SLC66A1: variants seen among roughly 807,000 people sequenced by gnomAD.
The protein encoded by SLC66A1 is solute carrier family 66 member 1.
In SLC66A1, 23 loss-of-function variants were observed where a neutral mutation model predicts 33.0. The observed-to-expected ratio is 0.70, with a 90% CI of 0.50 to 0.99. SLC66A1 has a LOEUF of 0.99. SLC66A1 is among the 50% of genes least tolerant of loss of function. The pLI is 0.00. For synonymous variants in SLC66A1, 164 were observed against 175.5 expected (o/e 0.93, Z 0.52); for missense variants, 335 against 383.6 (o/e 0.87, Z 1.06).
At chr1:19,324,483 C>T in intron 2 of SLC66A1, 150 bp from the exon 3 acceptor site, 2 of 925,500 alleles carry the variant, frequency 2.2e-6, no homozygotes, top group Non-Finnish European at 3.2e-6. Context: ...TCTGAGGATC[C>T]CGCCCGTGGG....
In SLC66A1 at chr1:19,327,679, G is replaced by A. The variant is rs1320895526; in HGVS notation, c.804+267G>A. On this transcript the variant is annotated intron_variant, in intron 7 of 7. Coordinates refer to ENST00000375153, the MANE Select transcript of SLC66A1 (RefSeq NM_001040125.2). ...CTTACAGCCCAGCGGGGCGCAGAGA[G>A]GACACAACGCTATCATCAAAGAATT... 1.5e-5 allele frequency: 10 copies of A among 660,432 alleles called. No homozygotes were observed. In the East Asian group the frequency reaches 2.8e-4, roughly 18 times the overall value. The allele number at this position is 660,432 out of a possible 1,614,324, so 40.9% of individuals were successfully genotyped here. A position where few individuals can be genotyped will look rare whatever the true frequency, so the allele number is the denominator to read the frequency against.
chr1:19,332,031 A>G (rs1481179923), downstream of SLC66A1, among the ~76,000 whole-genome samples: 1 of 152,158 alleles, frequency 6.6e-6, no homozygotes, highest in African/African-American at 2.4e-5. Context: ...CCCTACCTTC[A>G]GAGAGCACCT....
At chr1:19,314,403 A>G (rs910793785) in intron 1 of SLC66A1, among the ~76,000 whole-genome samples, 2 of 152,192 alleles carry the variant, frequency 1.3e-5, no homozygotes, top group Non-Finnish European at 2.9e-5. Flanking sequence ...CGCAGGGGCC[A>G]TAAACCAAGG....
intron 3 of SLC66A1, 80 bp from the exon 4 acceptor site, chr1:19,325,415 G>C (rs753611108): frequency 1.8e-4 from 178 of 980,710 alleles, no homozygotes; most frequent in Non-Finnish European, 2.7e-4. Flanking sequence ...CACCCAGCTG[G>C]GATATGACAG....
intron 2 of SLC66A1, among the ~76,000 whole-genome samples, chr1:19,320,412 CTTTTTTTTTTTTT>C (rs34520375): frequency 3.0e-5 from 3 of 98,630 alleles, no homozygotes; most frequent in South Asian, 6.8e-4. Context: ...GGTGGCCTGT[CTTTTTTTTTTTTT>C]TTTTTTTTTT....
chr1:19,324,420 C>T (rs911009063), intron 2 of SLC66A1, among the ~76,000 whole-genome samples: 5 of 152,218 alleles, frequency 3.3e-5, no homozygotes, highest in African/African-American at 4.8e-5. Flanking sequence ...GCCGTAGAGT[C>T]CTCGGCTTAG....
rs1319194405 is a variant in SLC66A1, at chr1:19,313,203, T to C, written c.-79+314T>C. On this transcript the variant is annotated intron_variant, in intron 1 of 7. Transcript: ENST00000375153. ...CTCAATCACTTGAGTTCCAGACTGG[T>C]AGGCATCGGGCAGGTCTGTTCCAGA... 6 of 985,308 alleles carry C rather than the reference T, an allele frequency of 6.1e-6. No individual in the cohort carries two copies. The African/African-American group carries it at 1.0e-4, about 17-fold the overall frequency. The allele number at this position is 985,308 out of a possible 1,614,324, so 61.0% of individuals were successfully genotyped here.
chr1:19,319,661 G>A (rs1022459059), intron 2 of SLC66A1, among the ~76,000 whole-genome samples: 2 of 134,460 alleles, frequency 1.5e-5, no homozygotes, highest in Non-Finnish European at 3.1e-5. Flanking sequence ...CTAGCACTTT[G>A]GGAGGCTAAG....
At chr1:19,316,913 CTTTTTT>C (rs759496425) in intron 1 of SLC66A1, among the ~76,000 whole-genome samples, 2 of 71,526 alleles carry the variant, frequency 2.8e-5, no homozygotes, top group South Asian at 4.5e-4. Flanking sequence ...TCTGTCACCT[CTTTTTT>C]TTTTTTTTTT....
chr1:19,317,413 G>A (rs951490751), intron 1 of SLC66A1, among the ~76,000 whole-genome samples, 187 bp from the exon 2 acceptor site: 2 of 152,224 alleles, frequency 1.3e-5, no homozygotes, highest in Non-Finnish European at 2.9e-5. Flanking sequence ...TGTAGTTGGC[G>A]TGTGTTTGCT....
At chr1:19,324,086 A>G (rs1454898335) in intron 2 of SLC66A1, among the ~76,000 whole-genome samples, 1 of 152,228 alleles carries the variant, frequency 6.6e-6, no homozygotes, top group Non-Finnish European at 1.5e-5. Flanking sequence ...TTGATAGTGG[A>G]GCTCCAGGCG....
At chr1:19,332,345 C>A (rs183312536), downstream of SLC66A1, among the ~76,000 whole-genome samples, 2 of 152,310 alleles carry the variant, frequency 1.3e-5, no homozygotes, top group East Asian at 3.9e-4. Context: ...TAGCCGTGAT[C>A]AAGATGAGCA....
Position 19,327,253 on chromosome 1 carries a change from C to T in SLC66A1, c.645C>T (p.Ile215=), listed in dbSNP as rs2093873046. 3.7e-6 allele frequency: 6 copies of T among 1,613,904 alleles called. No individual in the cohort carries two copies. The highest frequency in any genetic ancestry group is 5.1e-6 in the Non-Finnish European group (6 of 1,179,900). Residue 215 remains isoleucine (I), a synonymous_variant, in exon 7 of 8, where the codon ATC becomes ATT. Coordinates refer to ENST00000375153, the MANE Select transcript of SLC66A1 (RefSeq NM_001040125.2). The part of the protein sequence containing the change: ...TNFLRKSTQG[I]SYSLFALVML... ...TCCTCCGGAAGTCCACCCAGGGGAT[C>T]TCCTACTCTCTGTTCGCGCTGGTGA...
At chr1:19,332,984 CTGTA>C (rs762399804), downstream of SLC66A1, among the ~76,000 whole-genome samples, 11 of 152,224 alleles carry the variant, frequency 7.2e-5, no homozygotes, top group Admixed American at 2.6e-4. Context: ...GAACGAGACA[CTGTA>C]TGGGGAAGTG....
Position 19,317,730 on chromosome 1 carries a change from C to T in SLC66A1, c.53C>T (p.Ser18Phe). The change falls in exon 2 of 8, where the codon TCC becomes TTC. Residue 18 changes from serine to phenylalanine, a missense_variant. Transcript: ENST00000375153. ...AACTTCTCCAGCTGCCCCAGTGGCT[C>T]CATCCAGTGGATATGGGATGTGTTG... Reference protein sequence around the residue: ...SRNFSSCPSGSIQWIWDVLGE... With the variant: ...SRNFSSCPSGFIQWIWDVLGE... The T allele has an allele frequency of 6.2e-7, 1 of 1,614,216 alleles. No homozygotes were observed. The highest frequency in any genetic ancestry group is 8.5e-7 in the Non-Finnish European group (1 of 1,180,038).
rs1468349489 is a variant in SLC66A1, at chr1:19,317,766, C to T, written c.89C>T (p.Ala30Val). ...QWIWDVLGEC[A>V]QDGWDEASVG... The stretch of plus-strand genomic sequence containing the variant: ...ATATGGGATGTGTTGGGTGAATGTG[C>T]CCAGGACGGCTGGGACGAGGCCAGC... The change falls in exon 2 of 8, where the codon GCC becomes GTC. Residue 30 changes from alanine (A) to valine (V), a missense_variant. Coordinates refer to ENST00000375153, the MANE Select transcript of SLC66A1 (RefSeq NM_001040125.2). 1 of 1,614,052 alleles carries T rather than the reference C, an allele frequency of 6.2e-7. No individual in the cohort carries two copies. Among genetic ancestry groups the T allele is most frequent in the East Asian group, 2.2e-5 (1 of 44,892 alleles).
intron 1 of SLC66A1, among the ~76,000 whole-genome samples, chr1:19,313,806 A>G (rs61764953): frequency 0.032 from 4,818 of 152,266 alleles, 120 homozygotes; most frequent in Non-Finnish European, 0.055. Context: ...TGGACACATG[A>G]TTGGCTGTGA....
At chr1:19,323,394 AGTTTCTTT>A (rs2093847372) in intron 2 of SLC66A1, among the ~76,000 whole-genome samples, 1 of 150,416 alleles carries the variant, frequency 6.6e-6, no homozygotes, top group Non-Finnish European at 1.5e-5. Flanking sequence ...TTAGTTAGTT[AGTTTCTTT>A]GTTTCTTTTT....
chr1:19,326,223 C>T (rs1180828291), intron 4 of SLC66A1, 22 bp from the exon 5 acceptor site: 2 of 1,586,220 alleles, frequency 1.3e-6, no homozygotes, highest in African/African-American at 1.3e-5. Flanking sequence ...CTAACCTCAG[C>T]TTCCCCCTGC....
Sources: gnomAD v4.1 joint callset for allele counts (sites outside exome capture counted in the v4.1 genomes callset) on GRCh38, gnomAD v4.1.1 for gene constraint, MANE v1.5 for transcripts, NCBI Gene and HGNC (gene_info 2026-07-23, HGNC 2026-07-21) for gene names.